RABGAP1L: variants seen among roughly 807,000 people sequenced by gnomAD.
RABGAP1L encodes the protein RAB GTPase activating protein 1 like, also known as rab GTPase-activating protein 1-like.
RABGAP1L carries 63 observed loss-of-function variants against 137.7 expected under a neutral mutation model. The ratio of observed to expected loss-of-function variants is 0.46; its 90% CI spans 0.37 to 0.56. The LOEUF (loss-of-function observed/expected upper bound fraction) is 0.56, where lower values mean the gene tolerates loss of function less well. RABGAP1L is among the 20% of genes least tolerant of loss of function. The probability of loss-of-function intolerance (pLI) is 0.00; values close to 1 mark genes in which losing one functional copy is unlikely to be tolerated. For synonymous variants in RABGAP1L, 431 were observed against 433.7 expected, an observed-to-expected ratio of 0.99 and a Z score of 0.08; for missense variants, 1,095 against 1,244.0, an observed-to-expected ratio of 0.88 and a Z score of 1.80.
rs753137148 is a variant in RABGAP1L at position 174,449,156 on chromosome 1, G to A, written c.1710+55011G>A. ...GTGTGTGAAGGATCAGGAAGCACAAGAACCCAAACCTAGGAAACGGGCTAA... is the reference window on the plus strand; with the variant it reads ...GTGTGTGAAGGATCAGGAAGCACAAAAACCCAAACCTAGGAAACGGGCTAA... On this transcript the variant is annotated intron_variant, in intron 13 of 25. Transcript: ENST00000681986. 2.5e-6 allele frequency: 4 copies of A among 1,610,204 alleles called. No homozygotes were observed. The Admixed American group carries it at 5.1e-5, about 20-fold the overall frequency.
chr1:174,368,779 A>AT (rs1479578865), intron 11 of RABGAP1L, among the ~76,000 whole-genome samples: 1 of 152,128 alleles, frequency 6.6e-6, no homozygotes, highest in Admixed American at 6.6e-5. Context: ...AGGTAGTCAG[A>AT]TTTTTAAATC....
At chr1:174,685,131 T>C (rs140683232) in intron 15 of RABGAP1L, among the ~76,000 whole-genome samples, 4 of 152,296 alleles carry the variant, frequency 2.6e-5, no homozygotes, top group Non-Finnish European at 5.9e-5. Flanking sequence ...AAAGGTGACA[T>C]ATCTAGTTTC....
chr1:174,232,485 T>TA (rs1304294197), intron 4 of RABGAP1L, among the ~76,000 whole-genome samples: 278 of 129,796 alleles, frequency 2.1e-3, no homozygotes, highest in Middle Eastern at 4.4e-3. Flanking sequence ...CCATCTCAAT[T>TA]AAAAAAAAAA....
At chr1:174,661,549 G>C (rs1676368383) in intron 14 of RABGAP1L, among the ~76,000 whole-genome samples, 1 of 152,124 alleles carries the variant, frequency 6.6e-6, no homozygotes, top group African/African-American at 2.4e-5. Flanking sequence ...TCCAATGCTT[G>C]TGGGCCTTCC....
At position 174,936,189 on chromosome 1, in the gene RABGAP1L, G is replaced by T. The variant is rs1664766540; in HGVS notation, c.2341-21268G>T. ...CCAAGGAAAGAGCAGCTTCTGCTGG[G>T]TGTAGTAGCTCACGCTGGTAATCTC... On this transcript the variant is annotated intron_variant, in intron 19 of 25. Coordinates refer to ENST00000681986, the MANE Select transcript of RABGAP1L (RefSeq NM_001366446.1). Among the ~76,000 whole-genome samples the T allele has an allele frequency of 2.6e-5, 4 of 152,214 alleles. No homozygotes were observed. In the South Asian group the frequency reaches 8.3e-4, roughly 32 times the overall value.
intron 13 of RABGAP1L, among the ~76,000 whole-genome samples, chr1:174,519,934 A>G (rs1273510043): frequency 1.3e-5 from 2 of 152,226 alleles, no homozygotes; most frequent in Non-Finnish European, 2.9e-5. Context: ...GCAGTTAATT[A>G]TAGTAGTACC....
chr1:174,234,970 G>A (rs200487844), intron 4 of RABGAP1L, among the ~76,000 whole-genome samples: 22,216 of 75,158 alleles, frequency 0.3, 4,890 homozygotes, highest in African/African-American at 0.65. Flanking sequence ...TTCTCCTTGA[G>A]GAGGTCCTTC....
At chr1:174,741,861 A>C (rs1425728926) in intron 17 of RABGAP1L, among the ~76,000 whole-genome samples, 1 of 146,466 alleles carries the variant, frequency 6.8e-6, no homozygotes, top group African/African-American at 2.5e-5. Context: ...TCTACAAAAA[A>C]AAAAAAAAAA....
At chr1:174,927,977 A>C (rs1238279921) in intron 19 of RABGAP1L, among the ~76,000 whole-genome samples, 1 of 152,162 alleles carries the variant, frequency 6.6e-6, no homozygotes, top group East Asian at 1.9e-4. Context: ...TGTACCTGCA[A>C]GAGCAGAAAA....
intron 11 of RABGAP1L, among the ~76,000 whole-genome samples, chr1:174,347,514 A>G (rs1214767433): frequency 2.8e-5 from 4 of 143,404 alleles, no homozygotes; most frequent in African/African-American, 1.0e-4. Context: ...TTTCTTTGAG[A>G]CTGAGTCTTG....
chr1:174,481,752 A>G (rs758182101), intron 13 of RABGAP1L, among the ~76,000 whole-genome samples: 93 of 152,086 alleles, frequency 6.1e-4, no homozygotes, highest in Middle Eastern at 3.2e-3. Flanking sequence ...GAATAATGGC[A>G]CCCCAAAGAT....
At chr1:174,860,050 A>T (rs1650028730) in intron 19 of RABGAP1L, among the ~76,000 whole-genome samples, 1 of 147,340 alleles carries the variant, frequency 6.8e-6, no homozygotes, top group African/African-American at 2.6e-5. Context: ...AGGAGGCATG[A>T]TTACATGATC....
chr1:174,746,969 T>G (rs1683920864), intron 17 of RABGAP1L, among the ~76,000 whole-genome samples: 1 of 152,332 alleles, frequency 6.6e-6, no homozygotes. Flanking sequence ...TTTACTTATT[T>G]TTTACTCTTA....
At chr1:174,546,131 C>G (rs564487088) in intron 13 of RABGAP1L, among the ~76,000 whole-genome samples, 1 of 151,954 alleles carries the variant, frequency 6.6e-6, no homozygotes, top group Admixed American at 6.6e-5. Flanking sequence ...GTAGCTCTTC[C>G]GAGTATTAGG....
chr1:174,830,247 C>T (rs1691971935), intron 19 of RABGAP1L, among the ~76,000 whole-genome samples: 1 of 146,178 alleles, frequency 6.8e-6, no homozygotes, highest in African/African-American at 2.5e-5. Context: ...AACAATCTGC[C>T]ACATTCATGC....
intron 13 of RABGAP1L, among the ~76,000 whole-genome samples, chr1:174,510,374 G>T (rs1233481164): frequency 6.6e-6 from 1 of 152,184 alleles, no homozygotes; most frequent in African/African-American, 2.4e-5. Context: ...CAGGTACTCA[G>T]TAAATATTTG....
intron 18 of RABGAP1L, among the ~76,000 whole-genome samples, chr1:174,802,213 T>C (rs1301710426): frequency 1.3e-5 from 2 of 152,184 alleles, no homozygotes; most frequent in South Asian, 2.1e-4. Context: ...GTTGCCAAAT[T>C]AGGCATCTGA....
chr1:174,185,865 G>A (rs1255613510), intron 1 of RABGAP1L, among the ~76,000 whole-genome samples: 3 of 151,932 alleles, frequency 2.0e-5, no homozygotes, highest in African/African-American at 2.4e-5. Flanking sequence ...GCTTAAAGTC[G>A]GGGCGCGGTG....
At chr1:174,731,258 C>G (rs1371027862) in intron 17 of RABGAP1L, among the ~76,000 whole-genome samples, 2 of 152,216 alleles carry the variant, frequency 1.3e-5, no homozygotes, top group African/African-American at 4.8e-5. Context: ...AAGCGTGAGC[C>G]ACCGCACCCA....
Sources: gnomAD v4.1 joint callset for allele counts (sites outside exome capture counted in the v4.1 genomes callset) on GRCh38, gnomAD v4.1.1 for gene constraint, MANE v1.5 for transcripts, NCBI Gene and HGNC (gene_info 2026-07-23, HGNC 2026-07-21) for gene names.